STRBP: variants seen among roughly 807,000 people sequenced by gnomAD.
STRBP encodes the protein spermatid perinuclear RNA-binding protein.
In STRBP, 13 loss-of-function variants were observed where a neutral mutation model predicts 80.1. The observed-to-expected ratio is 0.16, with a 90% CI of 0.11 to 0.26. The LOEUF (loss-of-function observed/expected upper bound fraction) is 0.26, where lower values mean the gene tolerates loss of function less well. Ranked by LOEUF, STRBP falls within the 10% of genes least tolerant of loss-of-function variation. The probability of loss-of-function intolerance (pLI) is 1.00; values close to 1 mark genes in which losing one functional copy is unlikely to be tolerated. For missense variants in STRBP, 485 were observed against 815.2 expected (o/e 0.59, Z 4.93); for synonymous variants, 284 against 291.2 (o/e 0.98, Z 0.25).
chr9:123,214,708 TCAAAA>T (rs2039834596), intron 2 of STRBP, among the ~76,000 whole-genome samples: 1 of 152,134 alleles, frequency 6.6e-6, no homozygotes, highest in Non-Finnish European at 1.5e-5. Flanking sequence ...CTCTTTGTTC[TCAAAA>T]CAAGTTTTAT....
chr9:123,203,217 G>T (rs1006910722), intron 2 of STRBP, among the ~76,000 whole-genome samples: 5 of 152,016 alleles, frequency 3.3e-5, no homozygotes, highest in Admixed American at 6.6e-5. Flanking sequence ...ATGGTGGCGT[G>T]TGCCTTCAGT....
chr9:123,138,148 T>A (rs2036439146), intron 14 of STRBP, among the ~76,000 whole-genome samples: 1 of 152,232 alleles, frequency 6.6e-6, no homozygotes, highest in South Asian at 2.1e-4. Context: ...ATAAATGTAG[T>A]CACTACCAAA....
chr9:123,268,220 C>A (rs1278200072), intron 1 of STRBP, among the ~76,000 whole-genome samples: 1 of 151,754 alleles, frequency 6.6e-6, no homozygotes, highest in Non-Finnish European at 1.5e-5. Context: ...CGGGGCACCG[C>A]AGCGGCGGCG....
chr9:123,226,747 T>G (rs561841452), intron 2 of STRBP, among the ~76,000 whole-genome samples: 1 of 151,700 alleles, frequency 6.6e-6, no homozygotes, highest in African/African-American at 2.4e-5. Flanking sequence ...AGCTTCAGCT[T>G]AGCGGTGTTG....
chr9:123,126,534 A>G lies in STRBP; in HGVS notation c.1943-861T>C, dbSNP rs12003291. Among the ~76,000 whole-genome samples, 1,105 of 152,302 alleles carry G rather than the reference A, an allele frequency of 7.3e-3. 13 individuals carry two copies. Among genetic ancestry groups the G allele is most frequent in the African/African-American group, 0.025 (1,048 of 41,564 alleles). On this transcript the variant is annotated intron_variant, in intron 18 of 18. Coordinates refer to ENST00000348403, the MANE Select transcript of STRBP (RefSeq NM_018387.5). The surrounding 1 kb of genome is among the most constrained non-coding windows in gnomAD (Gnocchi z 4.4). ...GAGGAGCTTTCTGATGTGGGGGCTC[A>G]GAGGGCACAGGGTGAAAGTATAATG...
At chr9:123,181,010 G>C in intron 3 of STRBP, 1 of 819,812 alleles carries the variant, frequency 1.2e-6, no homozygotes. Flanking sequence ...TTGGATAACA[G>C]TAAATTAACA....
chr9:123,254,057 G>A (rs1373901023), intron 1 of STRBP, among the ~76,000 whole-genome samples: 1 of 151,834 alleles, frequency 6.6e-6, no homozygotes, highest in African/African-American at 2.4e-5. Flanking sequence ...GAACGAGGGG[G>A]AAAAAATCTT....
intron 2 of STRBP, among the ~76,000 whole-genome samples, chr9:123,215,514 C>A (rs2039866258): frequency 6.6e-6 from 1 of 152,166 alleles, no homozygotes; most frequent in Non-Finnish European, 1.5e-5. Flanking sequence ...TTCAATAAGG[C>A]CAGGCATGGT....
At chr9:123,228,662 T>C (rs2040313428) in intron 2 of STRBP, among the ~76,000 whole-genome samples, 1 of 152,128 alleles carries the variant, frequency 6.6e-6, no homozygotes, top group Admixed American at 6.5e-5. Context: ...GCTAAGAAGT[T>C]TGGGAAATAG....
intron 2 of STRBP, among the ~76,000 whole-genome samples, chr9:123,199,795 C>T (rs533909850): frequency 1.3e-5 from 2 of 152,108 alleles, no homozygotes; most frequent in Non-Finnish European, 2.9e-5. Context: ...TCTAGCCATA[C>T]AATCATATCA....
At position 123,115,534 on chromosome 9, in the gene STRBP, G is replaced by A. The variant is rs1475104635; in HGVS notation, c.*84+395C>T. ...GGTCAATGATTTCACCTTCTACTCA[G>A]TTGTCTAAGCTGCAGATTCTGACAT... On this transcript the variant is annotated intron_variant and NMD_transcript_variant, in intron 3 of 3. Coordinates refer to the STRBP transcript ENST00000471564. This position sits in a 1 kb window ranked among gnomAD's most constrained non-coding sequence, Gnocchi z 5.0. 2 of 369,930 alleles carry A rather than the reference G, an allele frequency of 5.4e-6. No homozygotes were observed. Among genetic ancestry groups the A allele is most frequent in the Non-Finnish European group, 1.1e-5 (2 of 180,994 alleles). 22.9% of individuals were successfully genotyped at this position (369,930 alleles called of 1,614,324 possible).
intron 1 of STRBP, among the ~76,000 whole-genome samples, chr9:123,250,454 A>G (rs1469790391): frequency 6.6e-6 from 1 of 152,222 alleles, no homozygotes; most frequent in African/African-American, 2.4e-5. Flanking sequence ...TACAACTCAC[A>G]TAAACAAGAG....
intron 1 of STRBP, among the ~76,000 whole-genome samples, chr9:123,267,436 C>T (rs984944871): frequency 6.6e-6 from 1 of 151,828 alleles, no homozygotes; most frequent in African/African-American, 2.4e-5. Context: ...CTTCCCCCTT[C>T]CACCCCATAC....
chr9:123,177,405 GA>G (rs1353649111), intron 4 of STRBP, among the ~76,000 whole-genome samples: 3 of 151,846 alleles, frequency 2.0e-5, no homozygotes, highest in Non-Finnish European at 4.4e-5. Flanking sequence ...CTCTCCAAAC[GA>G]AATTCTTTTT....
chr9:123,149,837 A>G (rs563941504), intron 11 of STRBP, among the ~76,000 whole-genome samples: 115 of 152,352 alleles, frequency 7.5e-4, no homozygotes, highest in Middle Eastern at 3.4e-3. Context: ...TCATTCAACA[A>G]TAAACAAGAA....
chr9:123,126,734 TGCC>T lies in STRBP; in HGVS notation c.1943-1064_1943-1062del, dbSNP rs2035909649. Among the ~76,000 whole-genome samples the T allele has an allele frequency of 6.6e-6, 1 of 152,232 alleles. No homozygotes were observed. The highest frequency in any genetic ancestry group is 3.2e-3 in the Middle Eastern group (1 of 316). ...AAAGAAAGACACAGATTTAAATATC[TGCC>T]CCAAGCGGCAGATGTTTTGGCACTT... On this transcript the variant is annotated intron_variant, in intron 18 of 18. Coordinates refer to ENST00000348403, the MANE Select transcript of STRBP (RefSeq NM_018387.5). This position sits in a 1 kb window ranked among gnomAD's most constrained non-coding sequence, Gnocchi z 4.4.
intron 1 of STRBP, among the ~76,000 whole-genome samples, chr9:123,267,566 C>T (rs2041297552): frequency 6.6e-6 from 1 of 152,078 alleles, no homozygotes; most frequent in African/African-American, 2.4e-5. Flanking sequence ...TCGCAGGTCT[C>T]CTGGAGCCCC....
chr9:123,179,946 T>A (rs999263177), intron 3 of STRBP, among the ~76,000 whole-genome samples: 1 of 152,064 alleles, frequency 6.6e-6, no homozygotes, highest in East Asian at 1.9e-4. Flanking sequence ...CAAAGACTTC[T>A]AACCTTAGAA....
chr9:123,179,291 T>C (rs2038354146), intron 3 of STRBP, 64 bp from the exon 4 acceptor site: 1 of 1,411,082 alleles, frequency 7.1e-7, no homozygotes, highest in African/African-American at 1.4e-5. Flanking sequence ...AAAGATGATA[T>C]ACAACTATAT....
Sources: allele counts gnomAD v4.1 joint callset (sites outside exome capture counted in the v4.1 genomes callset), GRCh38; gene constraint gnomAD v4.1.1; non-coding constraint Gnocchi (gnomAD v3.1); transcripts MANE v1.5; gene names NCBI Gene and HGNC (gene_info 2026-07-23, HGNC 2026-07-21).